Variants in RPS6KA5 observed in about 807,000 individuals in gnomAD.
RPS6KA5 encodes the protein ribosomal protein S6 kinase A5.
RPS6KA5 carries 27 observed loss-of-function variants against 85.5 expected under a neutral mutation model. That is an observed-to-expected ratio of 0.32 (90% confidence interval 0.23 to 0.44). The LOEUF (loss-of-function observed/expected upper bound fraction) is 0.44. RPS6KA5 is among the 20% of genes least tolerant of loss of function. RPS6KA5 has a pLI of 1.00. For synonymous variants in RPS6KA5, 334 were observed against 348.2 expected (o/e 0.96, Z 0.46); for missense variants, 811 against 980.9 (o/e 0.83, Z 2.31).
chr14:90,923,738 T>C (rs1413777027), intron 5 of RPS6KA5, among the ~76,000 whole-genome samples: 1 of 152,116 alleles, frequency 6.6e-6, no homozygotes, highest in Non-Finnish European at 1.5e-5. Flanking sequence ...TACCATCTTG[T>C]GTAGGTTTGA....
rs2041409091 is a variant in RPS6KA5, at chr14:91,014,704, T to C, written c.104-13545A>G. On this transcript the variant is annotated intron_variant, in intron 1 of 16. Coordinates refer to ENST00000614987, the MANE Select transcript of RPS6KA5 (RefSeq NM_004755.4). ...TAAGGCTTATTTTTCTAAACGCACA[T>C]ATTTTTGATACATCTTATACTACAT... is the stretch of plus-strand genomic sequence containing the variant. Among the ~76,000 whole-genome samples the C allele has an allele frequency of 2.0e-5, 3 of 152,096 alleles. No individual in the cohort carries two copies. The South Asian group carries it at 6.2e-4, about 31-fold the overall frequency.
Position 90,852,448 on chromosome 14 carries a change from A to G in RPS6KA5, c.*19626T>C, listed in dbSNP as rs761660332. The G allele has an allele frequency of 4.6e-5, 7 of 152,190 alleles. No homozygotes were observed. The highest frequency in any genetic ancestry group is 8.8e-5 in the Non-Finnish European group (6 of 68,024). 9.4% of individuals were successfully genotyped at this position (152,190 alleles called of 1,614,324 possible). On this transcript the variant is annotated 3_prime_UTR_variant, in exon 17 of 17. Transcript: ENST00000614987. ...GTCAATGTCTAAATACCTTAAAAAGAAGCATATATGTAAGTATTAGTCCAA... is the reference window on the plus strand; with the variant it reads ...GTCAATGTCTAAATACCTTAAAAAGGAGCATATATGTAAGTATTAGTCCAA...
In RPS6KA5 at chr14:90,849,956, G is replaced by T. The variant is rs1211656232; in HGVS notation, c.*22118C>A. The T allele has an allele frequency of 6.6e-6, 1 of 152,264 alleles. No individual in the cohort carries two copies. Among genetic ancestry groups the T allele is most frequent in the East Asian group, 1.9e-4 (1 of 5,198 alleles). 9.4% of individuals were successfully genotyped at this position (152,264 alleles called of 1,614,324 possible). ...CATGCCTGTAATCCCATCACTTTGG[G>T]AGGCCCAGGTGGCAGGATCGCTTGA... On this transcript the variant is annotated 3_prime_UTR_variant, in exon 17 of 17. Coordinates refer to ENST00000614987, the MANE Select transcript of RPS6KA5 (RefSeq NM_004755.4).
chr14:90,914,778 C>T (rs574899691), intron 7 of RPS6KA5, among the ~76,000 whole-genome samples: 1 of 152,296 alleles, frequency 6.6e-6, no homozygotes, highest in South Asian at 2.1e-4. Context: ...GTATAAGTGC[C>T]AAGGGAAGGG....
intron 12 of RPS6KA5, among the ~76,000 whole-genome samples, chr14:90,896,072 A>G (rs908981515): frequency 1.2e-4 from 18 of 152,232 alleles, no homozygotes; most frequent in African/African-American, 4.3e-4. Context: ...AAAGACAATT[A>G]TAAGTACATT....
chr14:91,040,710 G>A (rs975422286), intron 1 of RPS6KA5, among the ~76,000 whole-genome samples: 4 of 152,152 alleles, frequency 2.6e-5, no homozygotes, highest in African/African-American at 4.8e-5. Flanking sequence ...CACAAGCAGA[G>A]ATAGCAGCTA....
At chr14:90,873,607 A>G in intron 16 of RPS6KA5, 25 bp downstream of exon 16, 2 of 1,594,560 alleles carry the variant, frequency 1.3e-6, no homozygotes, top group South Asian at 2.3e-5. Context: ...AAACCGCCCA[A>G]CATGTACAGA....
intron 2 of RPS6KA5, among the ~76,000 whole-genome samples, chr14:90,995,289 T>C (rs951582223): frequency 2.0e-5 from 3 of 152,082 alleles, no homozygotes; most frequent in Non-Finnish European, 4.4e-5. Context: ...CTGGCCAGGA[T>C]TTTTCTTTTT....
At chr14:90,988,299 T>C (rs1050080813) in intron 2 of RPS6KA5, among the ~76,000 whole-genome samples, 8 of 152,266 alleles carry the variant, frequency 5.3e-5, no homozygotes, top group African/African-American at 1.9e-4. Flanking sequence ...AGCTTGGTAA[T>C]GTATTACATC....
intron 5 of RPS6KA5, among the ~76,000 whole-genome samples, chr14:90,938,551 G>A (rs1343324921): frequency 1.3e-5 from 2 of 152,206 alleles, no homozygotes; most frequent in Admixed American, 1.3e-4. Flanking sequence ...TGCAGCAAAC[G>A]TCTGCCTGGG....
intron 5 of RPS6KA5, among the ~76,000 whole-genome samples, chr14:90,924,614 T>C (rs184294207): frequency 6.6e-6 from 1 of 152,216 alleles, no homozygotes; most frequent in African/African-American, 2.4e-5. Flanking sequence ...TATAAGCAAC[T>C]TTAGTTATCA....
At chr14:90,904,759 C>T (rs965853233) in intron 8 of RPS6KA5, among the ~76,000 whole-genome samples, 1 of 152,132 alleles carries the variant, frequency 6.6e-6, no homozygotes, top group Non-Finnish European at 1.5e-5. Context: ...GAATTCTGGT[C>T]TTTCCAAAAG....
chr14:90,996,199 T>C (rs564493112), intron 2 of RPS6KA5, among the ~76,000 whole-genome samples: 7 of 151,890 alleles, frequency 4.6e-5, no homozygotes, highest in Admixed American at 1.3e-4. Context: ...TTTTGTTTTT[T>C]TTTTTGTTTT....
rs773158950 is a variant in RPS6KA5, at chr14:90,943,120, C to T, written c.576G>A (p.Val192=). The T allele has an allele frequency of 6.8e-6, 11 of 1,612,936 alleles. No individual in the cohort carries two copies. The Middle Eastern group carries it at 4.9e-4, about 72-fold the overall frequency. Residue 192 remains valine, a synonymous_variant, in exon 5 of 17, where the codon GTG becomes GTA. Coordinates refer to ENST00000614987, the MANE Select transcript of RPS6KA5 (RefSeq NM_004755.4). ...NILLDSNGHV[V]LTDFGLSKEF... is the part of the protein sequence containing the mutation. ...CCTTACTCAGACCAAAATCTGTCAG[C>T]ACCACATGGCCATTAGAATCAAGTA... is the stretch of plus-strand genomic sequence containing the variant.
rs1267973273 is a variant in RPS6KA5, at chr14:90,870,726, C to CA, written c.*1347dup. On this transcript the variant is annotated 3_prime_UTR_variant, in exon 17 of 17. Coordinates refer to ENST00000614987, the MANE Select transcript of RPS6KA5 (RefSeq NM_004755.4). ...TTAAGCATGATTCCTGTAAACAAAG[C>CA]AAAAAAATCACTTTTCTCAGTCCTG... The CA allele has an allele frequency of 2.1e-5, 3 of 145,928 alleles. No homozygotes were observed. Among genetic ancestry groups the CA allele is most frequent in the Non-Finnish European group, 3.0e-5 (2 of 66,716 alleles). 9.0% of individuals were successfully genotyped at this position (145,928 alleles called of 1,614,324 possible).
rs1211656232 is a variant in RPS6KA5 at position 90,849,956 on chromosome 14, G to A, written c.*22118C>T. 6.6e-6 allele frequency: 1 copy of A among 152,264 alleles called. No homozygotes were observed. Among genetic ancestry groups the A allele is most frequent in the Non-Finnish European group, 1.5e-5 (1 of 68,102 alleles). The allele number at this position is 152,264 out of a possible 1,614,324, so 9.4% of individuals were successfully genotyped here. On this transcript the variant is annotated 3_prime_UTR_variant, in exon 17 of 17. Transcript: ENST00000614987. ...CATGCCTGTAATCCCATCACTTTGG[G>A]AGGCCCAGGTGGCAGGATCGCTTGA...
intron 1 of RPS6KA5, among the ~76,000 whole-genome samples, chr14:91,033,526 C>T (rs1324613404): frequency 2.0e-5 from 3 of 151,948 alleles, no homozygotes; most frequent in Non-Finnish European, 2.9e-5. Flanking sequence ...CACTTGAAAC[C>T]GGGAGGCAGA....
At chr14:91,049,847 T>C (rs972593361) in intron 1 of RPS6KA5, among the ~76,000 whole-genome samples, 1 of 152,246 alleles carries the variant, frequency 6.6e-6, no homozygotes, top group Admixed American at 6.5e-5. Flanking sequence ...GCTATAAGCC[T>C]GTACAGCATG....
intron 3 of RPS6KA5, among the ~76,000 whole-genome samples, chr14:90,956,602 C>G (rs2140403770): frequency 6.6e-6 from 1 of 151,608 alleles, no homozygotes; most frequent in South Asian, 2.1e-4. Context: ...CTTTCTTTAT[C>G]CTTTTTTTGT....
Sources: allele counts gnomAD v4.1 joint callset (sites outside exome capture counted in the v4.1 genomes callset), GRCh38; gene constraint gnomAD v4.1.1; transcripts MANE v1.5; gene names NCBI Gene and HGNC (gene_info 2026-07-23, HGNC 2026-07-21).